PCDH9: variants seen among roughly 807,000 people sequenced by gnomAD.
PCDH9 encodes protocadherin-9.
Under a neutral mutation model 70.6 loss-of-function variants are expected in PCDH9, and 24 were observed. The ratio of observed to expected loss-of-function variants is 0.34; its 90% confidence interval spans 0.25 to 0.48. The LOEUF is 0.48. Ranked by LOEUF, PCDH9 falls within the 20% of genes least tolerant of loss-of-function variation. PCDH9 has a pLI of 0.99. For synonymous variants in PCDH9, 562 were observed against 558.5 expected, an observed-to-expected ratio of 1.01 and a Z score of -0.09; for missense variants, 1,281 against 1,503.6, an observed-to-expected ratio of 0.85 and a Z score of 2.45.
chr13:66,514,860 G>T (rs186510524), intron 4 of PCDH9, among the ~76,000 whole-genome samples: 112 of 152,166 alleles, frequency 7.4e-4, no homozygotes, highest in Middle Eastern at 3.4e-3. Flanking sequence ...CTACTGTAGT[G>T]TATTTCCGAA....
At chr13:66,818,556 T>C (rs1349995159) in intron 3 of PCDH9, among the ~76,000 whole-genome samples, 1 of 152,150 alleles carries the variant, frequency 6.6e-6, no homozygotes, top group African/African-American at 2.4e-5. Context: ...ATCAATAGAC[T>C]AATTAATAAC....
intron 2 of PCDH9, among the ~76,000 whole-genome samples, chr13:67,155,937 C>G (rs1203049105): frequency 6.6e-6 from 1 of 152,116 alleles, no homozygotes; most frequent in African/African-American, 2.4e-5. Flanking sequence ...CTTCTTCCTG[C>G]CTGGAACGTT....
rs1415780002 is a variant in PCDH9 at position 66,552,205 on chromosome 13, C to T, written c.3340+79005G>A. Among the ~76,000 whole-genome samples, 3 of 152,082 alleles carry T rather than the reference C, an allele frequency of 2.0e-5. No homozygotes were observed. The East Asian group carries it at 5.8e-4, about 29-fold the overall frequency. ...GAGACTCAATATTATCCATGTCACT[C>T]CCAAACGTGTAATCTTGGTTGAATT... On this transcript the variant is annotated intron_variant, in intron 4 of 4. Transcript: ENST00000377865.
intron 4 of PCDH9, among the ~76,000 whole-genome samples, chr13:66,518,854 C>T (rs554643904): frequency 1.5e-4 from 23 of 152,244 alleles, no homozygotes; most frequent in East Asian, 1.9e-4. Context: ...AAAACCCAAA[C>T]GCATGAATTA....
intron 4 of PCDH9, among the ~76,000 whole-genome samples, chr13:66,578,715 C>G (rs549290109): frequency 6.6e-6 from 1 of 152,204 alleles, no homozygotes; most frequent in South Asian, 2.1e-4. Flanking sequence ...GTCCATTAAA[C>G]ATCTAATTTC....
At chr13:66,653,846 T>C (rs536396528) in intron 3 of PCDH9, among the ~76,000 whole-genome samples, 2 of 152,000 alleles carry the variant, frequency 1.3e-5, no homozygotes, top group African/African-American at 4.8e-5. Context: ...CGGGCTCCTG[T>C]AGTCCCAGCT....
chr13:66,939,649 C>T (rs1483818058), intron 2 of PCDH9, among the ~76,000 whole-genome samples: 1 of 152,014 alleles, frequency 6.6e-6, no homozygotes, highest in Non-Finnish European at 1.5e-5. Context: ...AACTCCTGAC[C>T]TCAAGTGATC....
chr13:66,940,704 A>G (rs2082993803), intron 2 of PCDH9, among the ~76,000 whole-genome samples: 1 of 152,048 alleles, frequency 6.6e-6, no homozygotes, highest in Admixed American at 6.6e-5. Flanking sequence ...GGTCATAATT[A>G]CCAATTAGTA....
At chr13:67,153,407 T>C (rs2087712243) in intron 2 of PCDH9, among the ~76,000 whole-genome samples, 1 of 152,144 alleles carries the variant, frequency 6.6e-6, no homozygotes, top group African/African-American at 2.4e-5. Flanking sequence ...AGGGCTCAAG[T>C]GATCCTCCCA....
In PCDH9 at chr13:66,713,625, G is replaced by GTA. The variant is rs67681559; in HGVS notation, c.3139-82216_3139-82215dup. ...ATATATATATAAAGTGTGTGTGTGT[G>GTA]TATATATATATATATATATATATAT... On this transcript the variant is annotated intron_variant, in intron 3 of 4. Transcript: ENST00000377865. 2.5e-3 allele frequency among the ~76,000 whole-genome samples: 274 copies of GTA among 109,994 alleles called. 7 individuals are homozygous for GTA. Among genetic ancestry groups the GTA allele is most frequent in the African/African-American group, 8.3e-3 (227 of 27,296 alleles). 72.2% of individuals were successfully genotyped at this position (109,994 alleles called of 152,430 possible). A position where few individuals can be genotyped will look rare whatever the true frequency, so the allele number is the denominator to read the frequency against.
At chr13:66,689,588 G>A (rs1218254783) in intron 3 of PCDH9, among the ~76,000 whole-genome samples, 1 of 152,086 alleles carries the variant, frequency 6.6e-6, no homozygotes, top group Non-Finnish European at 1.5e-5. Flanking sequence ...AATAGTTATT[G>A]CCTTCTTTTC....
At chr13:66,811,303 C>T (rs1268236077) in intron 3 of PCDH9, among the ~76,000 whole-genome samples, 3 of 152,032 alleles carry the variant, frequency 2.0e-5, no homozygotes, top group Non-Finnish European at 4.4e-5. Context: ...GGCACATGGC[C>T]CAAAACCGCT....
intron 4 of PCDH9, among the ~76,000 whole-genome samples, chr13:66,596,833 A>C (rs992345084): frequency 2.0e-5 from 3 of 146,570 alleles, no homozygotes; most frequent in Non-Finnish European, 3.0e-5. Context: ...ACATGGCTTG[A>C]GTTGTTTGTG....
At chr13:66,973,692 A>G (rs2083564361) in intron 2 of PCDH9, among the ~76,000 whole-genome samples, 1 of 152,080 alleles carries the variant, frequency 6.6e-6, no homozygotes, top group South Asian at 2.1e-4. Flanking sequence ...GTCATCATTC[A>G]TAACAGATGG....
intron 2 of PCDH9, among the ~76,000 whole-genome samples, chr13:67,048,149 G>A (rs2085257942): frequency 6.6e-6 from 1 of 152,264 alleles, no homozygotes; most frequent in South Asian, 2.1e-4. Flanking sequence ...GATTTTGAAG[G>A]TAATTTATTT....
intron 2 of PCDH9, among the ~76,000 whole-genome samples, chr13:67,177,932 C>G (rs765636921): frequency 1.3e-5 from 2 of 152,046 alleles, no homozygotes; most frequent in Non-Finnish European, 2.9e-5. Context: ...TGATTTCTAA[C>G]CTCCACTCCT....
chr13:66,513,216 A>C (rs1018318708), intron 4 of PCDH9, among the ~76,000 whole-genome samples: 15 of 142,036 alleles, frequency 1.1e-4, no homozygotes, highest in African/African-American at 3.7e-4. Flanking sequence ...TTTTCCTGTC[A>C]GGACACTTTA....
intron 2 of PCDH9, among the ~76,000 whole-genome samples, chr13:67,141,618 T>C (rs1041520297): frequency 2.6e-5 from 4 of 151,900 alleles, no homozygotes; most frequent in African/African-American, 7.3e-5. Context: ...TTTTTGTATT[T>C]CCATTAGAGA....
At chr13:66,434,745 G>A (rs1593974114) in intron 4 of PCDH9, among the ~76,000 whole-genome samples, 2 of 152,000 alleles carry the variant, frequency 1.3e-5, no homozygotes, top group East Asian at 3.9e-4. Flanking sequence ...ACTTTCCAAT[G>A]TCAAACTATA....
Sources: allele counts gnomAD v4.1 joint callset (sites outside exome capture counted in the v4.1 genomes callset), GRCh38; gene constraint gnomAD v4.1.1; transcripts MANE v1.5; gene names NCBI Gene and HGNC (gene_info 2026-07-23, HGNC 2026-07-21).